BTRC: variants seen among roughly 807,000 people sequenced by gnomAD.
The protein encoded by BTRC is F-box/WD repeat-containing protein 1A.
Under a neutral mutation model 85.5 loss-of-function variants are expected in BTRC, and 42 were observed. The ratio of observed to expected loss-of-function variants is 0.49; its 90% CI spans 0.38 to 0.64. BTRC has a LOEUF of 0.64. Among genes scored for constraint, BTRC ranks in the 30% least tolerant of loss-of-function variants. The pLI, the probability that BTRC is intolerant of heterozygous loss-of-function variation, is 0.00. For missense variants in BTRC, 594 were observed against 743.5 expected (o/e 0.80, Z 2.34); for synonymous variants, 255 against 263.3 (o/e 0.97, Z 0.30).
intron 4 of BTRC, among the ~76,000 whole-genome samples, chr10:101,520,658 A>G (rs1025012483): frequency 6.6e-6 from 1 of 152,128 alleles, no homozygotes; most frequent in African/African-American, 2.4e-5. Context: ...TTATTTGACA[A>G]TTAAAAACCA....
intron 8 of BTRC, 57 bp from the exon 9 acceptor site, chr10:101,532,895 A>G (rs966007139): frequency 4.7e-5 from 63 of 1,346,972 alleles, no homozygotes; most frequent in Non-Finnish European, 6.5e-5. Context: ...AGGACCAACA[A>G]GTCTCCACAG....
At chr10:101,543,379 A>G (rs949896035) in intron 13 of BTRC, among the ~76,000 whole-genome samples, 2 of 150,308 alleles carry the variant, frequency 1.3e-5, no homozygotes, top group African/African-American at 4.9e-5. Flanking sequence ...ATCTTACTAT[A>G]TTCTTTTACT....
intron 1 of BTRC, among the ~76,000 whole-genome samples, chr10:101,413,717 A>C (rs1389071213): frequency 1.3e-5 from 2 of 152,240 alleles, no homozygotes; most frequent in Admixed American, 6.5e-5. Flanking sequence ...ATATTTCACA[A>C]AATTGAAAGT....
intron 1 of BTRC, among the ~76,000 whole-genome samples, chr10:101,366,119 A>G (rs909756021): frequency 1.3e-5 from 2 of 152,170 alleles, no homozygotes; most frequent in East Asian, 3.9e-4. Flanking sequence ...CAAGGTTTTC[A>G]TAGGAAATTT....
At chr10:101,482,402 T>TC (rs1375618343) in intron 4 of BTRC, among the ~76,000 whole-genome samples, 1 of 144,074 alleles carries the variant, frequency 6.9e-6, no homozygotes, top group Non-Finnish European at 1.5e-5. Context: ...TCTTTTTTTT[T>TC]TTTTTTTTTT....
intron 13 of BTRC, among the ~76,000 whole-genome samples, chr10:101,540,502 A>G (rs2062450575): frequency 6.6e-6 from 1 of 152,094 alleles, no homozygotes; most frequent in Non-Finnish European, 1.5e-5. Context: ...GTATAATTTT[A>G]TTTTGATTAC....
intron 1 of BTRC, among the ~76,000 whole-genome samples, chr10:101,429,778 G>A (rs1564767236): frequency 1.4e-5 from 2 of 147,846 alleles, no homozygotes; most frequent in African/African-American, 5.0e-5. Context: ...ATGAATAGCA[G>A]ACTAACAAGA....
chr10:101,533,112 C>T (rs1452312507), intron 9 of BTRC, 42 bp downstream of exon 9: 4 of 1,399,998 alleles, frequency 2.9e-6, no homozygotes, highest in Admixed American at 1.7e-5. Flanking sequence ...GAAATATCAG[C>T]TCTGCTCTGT....
At chr10:101,522,849 C>G (rs1278737454) in intron 5 of BTRC, among the ~76,000 whole-genome samples, 1 of 152,110 alleles carries the variant, frequency 6.6e-6, no homozygotes, top group African/African-American at 2.4e-5. Context: ...AATAACACGT[C>G]TTAGTTCATG....
At chr10:101,397,326 A>G (rs1943389449) in intron 1 of BTRC, among the ~76,000 whole-genome samples, 2 of 152,202 alleles carry the variant, frequency 1.3e-5, no homozygotes, top group Admixed American at 6.5e-5. Flanking sequence ...TGTCATGGCA[A>G]CCACAGTTGT....
chr10:101,356,703 CAG>C (rs1942044443), intron 1 of BTRC, among the ~76,000 whole-genome samples: 1 of 152,184 alleles, frequency 6.6e-6, no homozygotes, highest in Non-Finnish European at 1.5e-5. Flanking sequence ...ATAAAAGAAA[CAG>C]AGAATGGAGA....
At chr10:101,552,015 A>T (rs2062658312) in intron 14 of BTRC, among the ~76,000 whole-genome samples, 1 of 151,354 alleles carries the variant, frequency 6.6e-6, no homozygotes, top group Admixed American at 6.6e-5. Context: ...CCATATACCT[A>T]CCCCCTCCTT....
intron 1 of BTRC, among the ~76,000 whole-genome samples, chr10:101,394,740 G>A (rs1447374750): frequency 6.6e-6 from 1 of 152,168 alleles, no homozygotes; most frequent in Admixed American, 6.5e-5. Context: ...CCAGTAGCCT[G>A]CAGTTCCCTG....
rs1439762998 is a variant in BTRC at position 101,367,018 on chromosome 10, TTATATTTA to T, written c.48+12804_48+12811del. Among the ~76,000 whole-genome samples the T allele has an allele frequency of 8.6e-4, 56 of 64,820 alleles. 3 individuals are homozygous for T. Among genetic ancestry groups the T allele is most frequent in the African/African-American group, 2.8e-3 (54 of 18,952 alleles). 42.5% of individuals were successfully genotyped at this position (64,820 alleles called of 152,430 possible). A position where few individuals can be genotyped will look rare whatever the true frequency, so the allele number is the denominator to read the frequency against. On this transcript the variant is annotated intron_variant, in intron 1 of 14. Coordinates refer to ENST00000370187, the MANE Select transcript of BTRC (RefSeq NM_033637.4). ...TTAATATATATATTTATATATATAT[TTATATTTA>T]TATATTTATATATATAAATATATAT...
intron 1 of BTRC, among the ~76,000 whole-genome samples, chr10:101,374,744 G>A (rs547571850): frequency 6.6e-6 from 1 of 150,430 alleles, no homozygotes; most frequent in African/African-American, 2.5e-5. Context: ...TATGTAACCT[G>A]CACAATGTGC....
rs145512054 is a variant in BTRC at position 101,390,985 on chromosome 10, T to C, written c.48+36757T>C. ...AGAAGTAAATACAAATGGTTCTTTA[T>C]CAAATTTAGAAATTTTACTCTTGAT... On this transcript the variant is annotated intron_variant, in intron 1 of 14. Coordinates refer to ENST00000370187, the MANE Select transcript of BTRC (RefSeq NM_033637.4). Among the ~76,000 whole-genome samples the C allele has an allele frequency of 2.8e-4, 43 of 152,364 alleles. No homozygotes were observed. In the East Asian group the frequency reaches 8.1e-3, roughly 29 times the overall value.
intron 4 of BTRC, among the ~76,000 whole-genome samples, chr10:101,482,914 CA>C (rs1945879325): frequency 6.6e-6 from 1 of 152,096 alleles, no homozygotes; most frequent in African/African-American, 2.4e-5. Context: ...AATCTGTAAC[CA>C]TTTCCATGTG....
chr10:101,355,558 C>T (rs1230430905), intron 1 of BTRC, among the ~76,000 whole-genome samples: 1 of 152,054 alleles, frequency 6.6e-6, no homozygotes, highest in African/African-American at 2.4e-5. Context: ...TAACAGGTGG[C>T]CTTAGGGACA....
At chr10:101,466,215 A>G (rs887041836) in intron 3 of BTRC, among the ~76,000 whole-genome samples, 2 of 152,120 alleles carry the variant, frequency 1.3e-5, no homozygotes, top group Non-Finnish European at 2.9e-5. Flanking sequence ...TCCTTTGTGT[A>G]TGTGTCCACT....
Sources: gnomAD v4.1 joint callset for allele counts (sites outside exome capture counted in the v4.1 genomes callset) on GRCh38, gnomAD v4.1.1 for gene constraint, MANE v1.5 for transcripts, NCBI Gene and HGNC (gene_info 2026-07-23, HGNC 2026-07-21) for gene names.